Variants in MYO3B observed in about 807,000 individuals in gnomAD.
The protein encoded by MYO3B is myosin IIIB, also known as myosin-IIIb.
In MYO3B, 156 loss-of-function variants were observed where a neutral mutation model predicts 174.6. That is an observed-to-expected ratio of 0.89 (90% CI 0.78 to 1.02). The LOEUF (loss-of-function observed/expected upper bound fraction) is 1.02, where lower values mean the gene tolerates loss of function less well. MYO3B is among the 50% of genes least tolerant of loss of function. MYO3B has a pLI of 0.00. For missense variants in MYO3B, 1,632 were observed against 1,639.4 expected, an observed-to-expected ratio of 1.00 and a Z score of 0.08; for synonymous variants, 563 against 569.1, an observed-to-expected ratio of 0.99 and a Z score of 0.15.
intron 22 of MYO3B, among the ~76,000 whole-genome samples, chr2:170,428,032 G>A (rs2094679058): frequency 6.6e-6 from 1 of 152,162 alleles, no homozygotes; most frequent in Admixed American, 6.5e-5. Flanking sequence ...TAAAAACATT[G>A]CAGAAAGGGA....
intron 8 of MYO3B, chr2:170,340,517 G>GA (rs1456290299): frequency 6.6e-6 from 1 of 152,188 alleles, no homozygotes; most frequent in Non-Finnish European, 1.5e-5. Flanking sequence ...ATTAACAAAA[G>GA]AAAAGTGGAA....
intron 1 of MYO3B, among the ~76,000 whole-genome samples, chr2:170,178,741 C>T (rs751181840): frequency 2.6e-5 from 4 of 152,132 alleles, no homozygotes; most frequent in Non-Finnish European, 5.9e-5. Context: ...TAATGTTTTT[C>T]ACCCAAGAGA....
At chr2:170,358,704 C>T (rs2094140337) in intron 8 of MYO3B, among the ~76,000 whole-genome samples, 1 of 152,142 alleles carries the variant, frequency 6.6e-6, no homozygotes, top group South Asian at 2.1e-4. Context: ...CAGCTATGCA[C>T]ATTATAGTTG....
At position 170,214,366 on chromosome 2, in the gene MYO3B, C is replaced by T; in HGVS notation, c.322-13C>T. 2.5e-6 allele frequency: 4 copies of T among 1,610,866 alleles called. No individual in the cohort carries two copies. The highest frequency in any genetic ancestry group is 2.5e-6 in the Non-Finnish European group (3 of 1,177,328). On this transcript the variant is annotated splice_polypyrimidine_tract_variant and intron_variant, in intron 3 of 34. Transcript: ENST00000408978. ...TCTCCTGCTCTCCCTGTGTCTGGCA[C>T]CTCTTCTTGCAGCTGTGTAATGGGG...
intron 8 of MYO3B, among the ~76,000 whole-genome samples, chr2:170,343,258 G>A (rs774610563): frequency 6.6e-6 from 1 of 152,048 alleles, no homozygotes; most frequent in Non-Finnish European, 1.5e-5. Flanking sequence ...AACAAAGTGA[G>A]CCTGTCTCTA....
intron 25 of MYO3B, among the ~76,000 whole-genome samples, chr2:170,474,553 A>G (rs576339111): frequency 1.3e-5 from 2 of 151,750 alleles, no homozygotes; most frequent in South Asian, 2.1e-4. Context: ...CCTGACCAAC[A>G]TGGAGAAACC....
chr2:170,651,819 C>T, intron 33 of MYO3B, 85 bp downstream of exon 33: 2 of 1,081,978 alleles, frequency 1.8e-6, no homozygotes, highest in South Asian at 1.3e-5. Context: ...CCAGCCCCTG[C>T]AGCCCCACCC....
intron 32 of MYO3B, among the ~76,000 whole-genome samples, chr2:170,610,337 T>A (rs1695059143): frequency 7.0e-6 from 1 of 142,238 alleles, no homozygotes; most frequent in African/African-American, 2.8e-5. Context: ...CAAGACTTTG[T>A]CTCAAAAAAA....
chr2:170,644,822 G>A (rs1032324925), intron 32 of MYO3B, among the ~76,000 whole-genome samples: 56 of 152,304 alleles, frequency 3.7e-4, no homozygotes, highest in Non-Finnish European at 7.1e-4. Flanking sequence ...CAGTGCTCCT[G>A]AAATGCTATC....
At chr2:170,649,263 ATATAT>A (rs1190082526) in intron 32 of MYO3B, among the ~76,000 whole-genome samples, 410 of 35,436 alleles carry the variant, frequency 0.012, 70 homozygotes, top group African/African-American at 0.013. Context: ...ATAATATATA[ATATAT>A]TATATATAAA....
intron 22 of MYO3B, among the ~76,000 whole-genome samples, chr2:170,437,536 C>T (rs78092064): frequency 0.048 from 7,381 of 152,196 alleles, 331 homozygotes; most frequent in East Asian, 0.21. Flanking sequence ...AGAATCTGAA[C>T]AAATAGGCCT....
At chr2:170,458,043 C>T (rs1217263930) in intron 23 of MYO3B, among the ~76,000 whole-genome samples, 2 of 152,182 alleles carry the variant, frequency 1.3e-5, no homozygotes, top group Non-Finnish European at 1.5e-5. Context: ...CATGAGCTAT[C>T]GCACCTGGCT....
intron 8 of MYO3B, among the ~76,000 whole-genome samples, chr2:170,346,917 A>G (rs1036975132): frequency 6.6e-6 from 1 of 152,170 alleles, no homozygotes; most frequent in Non-Finnish European, 1.5e-5. Context: ...GACATTTACT[A>G]TGGGTCTGAA....
chr2:170,191,390 C>T (rs999515048), intron 1 of MYO3B, among the ~76,000 whole-genome samples: 3 of 152,042 alleles, frequency 2.0e-5, no homozygotes, highest in Non-Finnish European at 2.9e-5. Context: ...CCCAGCACAG[C>T]GTCAGGACTT....
At chr2:170,274,153 GGAGA>G (rs2093445860) in intron 7 of MYO3B, among the ~76,000 whole-genome samples, 1 of 151,474 alleles carries the variant, frequency 6.6e-6, no homozygotes, top group South Asian at 2.1e-4. Flanking sequence ...ACAGAGGGAG[GGAGA>G]GAGAATGAGA....
chr2:170,439,002 A>G lies in MYO3B; in HGVS notation c.2651-4965A>G, dbSNP rs141991284. Among the ~76,000 whole-genome samples the G allele has an allele frequency of 4.2e-3, 642 of 151,160 alleles. 4 individuals are homozygous for G. The highest frequency in any genetic ancestry group is 0.015 in the African/African-American group (628 of 41,186). Reference sequence around the variant, plus strand: ...TCCCTAATGTTTAGTGATACTGAGTATCTCTTCATATACCGGTTAGCCATT... The same window carrying G: ...TCCCTAATGTTTAGTGATACTGAGTGTCTCTTCATATACCGGTTAGCCATT... On this transcript the variant is annotated intron_variant, in intron 22 of 34. Transcript: ENST00000408978.
chr2:170,599,491 A>T (rs542184545), intron 32 of MYO3B, among the ~76,000 whole-genome samples: 1 of 152,278 alleles, frequency 6.6e-6, no homozygotes, highest in South Asian at 2.1e-4. Context: ...TTTTTGCCGT[A>T]ATCCCAGCAA....
At chr2:170,584,692 A>G (rs735436) in intron 32 of MYO3B, among the ~76,000 whole-genome samples, 22,651 of 152,258 alleles carry the variant, frequency 0.15, 3,123 homozygotes, top group East Asian at 0.45. Context: ...TTGATCTGTA[A>G]CTTGATTCTT....
intron 25 of MYO3B, among the ~76,000 whole-genome samples, chr2:170,494,727 C>CAAAAAAAA (rs3066990): frequency 2.7e-4 from 25 of 91,952 alleles, no homozygotes; most frequent in South Asian, 4.1e-4. Flanking sequence ...AACTGCGTCT[C>CAAAAAAAA]AAAAAAAAAA....
Sources: gnomAD v4.1 joint callset for allele counts (sites outside exome capture counted in the v4.1 genomes callset) on GRCh38, gnomAD v4.1.1 for gene constraint, MANE v1.5 for transcripts, NCBI Gene and HGNC (gene_info 2026-07-23, HGNC 2026-07-21) for gene names.